Variants in ZNF343 observed in about 807,000 individuals in gnomAD.
ZNF343 encodes zinc finger protein 343.
ZNF343 carries 11 observed loss-of-function variants against 13.8 expected under a neutral mutation model. The observed-to-expected ratio is 0.80, with a 90% CI of 0.50 to 1.32. ZNF343 has a LOEUF of 1.32. Among genes scored for constraint, ZNF343 ranks in the 40% most tolerant of loss-of-function variants. The probability of loss-of-function intolerance (pLI) is 0.00; values close to 1 mark genes in which losing one functional copy is unlikely to be tolerated. For missense variants in ZNF343, 658 were observed against 714.2 expected (o/e 0.92, Z 0.90); for synonymous variants, 248 against 260.0 (o/e 0.95, Z 0.44).
At chr20:2,487,432 T>C (rs2085298439) in intron 5 of ZNF343, among the ~76,000 whole-genome samples, 1 of 152,210 alleles carries the variant, frequency 6.6e-6, no homozygotes, top group African/African-American at 2.4e-5. Context: ...GATATGCATA[T>C]GCTCATAATT....
chr20:2,512,037 C>T (rs777375667), upstream of ZNF343, among the ~76,000 whole-genome samples: 15 of 152,000 alleles, frequency 9.9e-5, no homozygotes, highest in Admixed American at 6.5e-5. Context: ...AACTAACAAA[C>T]GATTTGAAAA....
chr20:2,521,816 C>G (rs1482684492), intron 1 of ZNF343, among the ~76,000 whole-genome samples: 1 of 152,208 alleles, frequency 6.6e-6, no homozygotes, highest in African/African-American at 2.4e-5. Context: ...GAGGGAAAAG[C>G]TGGGACATAG....
intron 2 of ZNF343, among the ~76,000 whole-genome samples, chr20:2,497,935 C>T: frequency 6.6e-6 from 1 of 152,066 alleles, no homozygotes; most frequent in South Asian, 2.1e-4. Flanking sequence ...CAGGGCTGCT[C>T]AAATGCTCAC....
intron 1 of ZNF343, among the ~76,000 whole-genome samples, chr20:2,517,075 C>T (rs2085762391): frequency 6.6e-6 from 1 of 152,156 alleles, no homozygotes; most frequent in Non-Finnish European, 1.5e-5. Flanking sequence ...AAGCAGAATA[C>T]TTGAAAACAG....
intron 5 of ZNF343, 42 bp downstream of exon 5, chr20:2,492,657 C>T (rs2122605260): frequency 1.3e-6 from 2 of 1,591,300 alleles, no homozygotes; most frequent in Non-Finnish European, 1.7e-6. Context: ...ATCAGTAAAT[C>T]TCTACTGAAT....
Position 2,484,011 on chromosome 20 carries a change from C to A in ZNF343, c.950G>T (p.Arg317Ile). ...ATAAGGCTTCTCTTCTGAATGTGTT[C>A]TCTGGTGTCTGCTGAGGTTGGACTT... Reference protein sequence around the residue: ...SQKSNLSRHQRTHSEEKPYLC... With the variant: ...SQKSNLSRHQITHSEEKPYLC... Residue 317 changes from arginine (R) to isoleucine (I), a missense_variant, in exon 6 of 6, where the codon AGA (arginine) becomes ATA (isoleucine). Transcript: ENST00000278772. 5 of 1,614,108 alleles carry A rather than the reference C, an allele frequency of 3.1e-6. No homozygotes were observed. In the East Asian group the frequency reaches 8.9e-5, roughly 29 times the overall value.
Position 2,484,416 on chromosome 20 carries a change from G to T in ZNF343, c.545C>A (p.Ala182Glu), listed in dbSNP as rs747654752. 2.5e-6 allele frequency: 4 copies of T among 1,614,044 alleles called. No individual in the cohort carries two copies. The Admixed American group carries it at 6.7e-5, about 27-fold the overall frequency. The change falls in exon 6 of 6, where the codon GCA (alanine) becomes GAA (glutamate). Residue 182 changes from alanine (A) to glutamate (E), a missense_variant. Transcript: ENST00000278772. ...ERGGGSKPWS[A>E]RTEERETSRA... The stretch of plus-strand genomic sequence containing the variant: ...TGAGGTTTCTCTCTCCTCTGTCCTT[G>T]CAGACCAGGGTTTGGAGCCACCTCC...
chr20:2,521,988 G>A (rs771721519), intron 1 of ZNF343, among the ~76,000 whole-genome samples: 62 of 152,276 alleles, frequency 4.1e-4, no homozygotes, highest in Admixed American at 1.3e-4. Flanking sequence ...AAGCATGTAA[G>A]GTTTGTTTAA....
upstream of ZNF343, among the ~76,000 whole-genome samples, chr20:2,511,630 T>G (rs1369030391): frequency 2.0e-5 from 3 of 152,238 alleles, no homozygotes. Context: ...TCCCTTCTGT[T>G]TAATTTTGCT....
In ZNF343 at chr20:2,502,890, A is replaced by G. The variant is rs140389273; in HGVS notation, c.-236-2148T>C. Among the ~76,000 whole-genome samples the G allele has an allele frequency of 2.9e-3, 440 of 152,356 alleles. 1 individual carries two copies. Among genetic ancestry groups the G allele is most frequent in the Non-Finnish European group, 4.9e-3 (334 of 68,038 alleles). On this transcript the variant is annotated intron_variant, in intron 1 of 5. Coordinates refer to ENST00000278772, the MANE Select transcript of ZNF343 (RefSeq NM_024325.6). ...ATTGTAAAGACCATTGAGGCTAGGA[A>G]GAAACTGCATCAACTAACGAGCAAA...
chr20:2,494,070 A>G (rs1050616328), intron 2 of ZNF343, 26 bp from the exon 3 acceptor site: 3 of 602,816 alleles, frequency 5.0e-6, no homozygotes, highest in Non-Finnish European at 8.8e-6. Flanking sequence ...GCAATTTGCT[A>G]TTGCTGGGGC....
rs777765404 is a variant in ZNF343, at chr20:2,483,313, C to T, written c.1648G>A (p.Val550Met). Residue 550 changes from valine (V) to methionine (M), a missense_variant, in exon 6 of 6, where the codon GTG (valine) becomes ATG (methionine). Val to Met is a conservative substitution (Grantham distance 21, BLOSUM62 1). Transcript: ENST00000278772. ...ERTHSGEKPY[V>M]CSECGRGFSR... ...AAGCCTCGGCCACACTCACTGCACA[C>T]GTAAGGCTTCTCTCCTGAGTGTGTC... 9.9e-6 allele frequency: 16 copies of T among 1,610,678 alleles called. No individual in the cohort carries two copies. The highest frequency in any genetic ancestry group is 2.2e-5 in the East Asian group (1 of 44,658).
upstream of ZNF343, chr20:2,524,630 G>C (rs1568494928): frequency 6.6e-6 from 1 of 152,538 alleles, no homozygotes; most frequent in African/African-American, 2.4e-5. Context: ...GATTCAGCGC[G>C]GGGGAGAGCT....
chr20:2,486,836 T>A (rs2085288885), intron 5 of ZNF343: 1 of 151,920 alleles, frequency 6.6e-6, no homozygotes, highest in Non-Finnish European at 1.5e-5. Flanking sequence ...AACACAAATA[T>A]ACAAAATATA....
At position 2,483,595 on chromosome 20, in the gene ZNF343, C is replaced by T. The variant is rs755245255; in HGVS notation, c.1366G>A (p.Glu456Lys). ...GGCTTCTCTCCAGAGTGCGTCCGCT[C>T]GTGTATGATGAGGGTTGACTTGTCA... ...FCDKSTLIIH[E>K]RTHSGEKPYV... The change falls in exon 6 of 6, where the codon GAG becomes AAG. Residue 456 changes from glutamate to lysine, a missense_variant. By Grantham distance (56) the Glu-to-Lys change is moderately conservative. Coordinates refer to ENST00000278772, the MANE Select transcript of ZNF343 (RefSeq NM_024325.6). 5 of 1,610,886 alleles carry T rather than the reference C, an allele frequency of 3.1e-6. No homozygotes were observed. Among genetic ancestry groups the T allele is most frequent in the African/African-American group, 1.4e-5 (1 of 73,896 alleles).
intron 5 of ZNF343, among the ~76,000 whole-genome samples, chr20:2,488,857 C>A (rs2085322324): frequency 6.6e-6 from 1 of 152,074 alleles, no homozygotes; most frequent in African/African-American, 2.4e-5. Context: ...CCAGCCTGGG[C>A]AACATGGCAA....
chr20:2,497,898 C>T (rs559103476), intron 2 of ZNF343, among the ~76,000 whole-genome samples: 1 of 149,794 alleles, frequency 6.7e-6, no homozygotes, highest in East Asian at 1.9e-4. Context: ...TATGGCTCCT[C>T]CATATGGCTC....
intron 1 of ZNF343, among the ~76,000 whole-genome samples, chr20:2,523,979 CAAAAAAAAA>C (rs56321237): frequency 9.6e-6 from 1 of 104,324 alleles, no homozygotes; most frequent in Non-Finnish European, 1.8e-5. Flanking sequence ...GACCCCGTCT[CAAAAAAAAA>C]AAAAAAAAAA....
chr20:2,510,305 CTCTT>C (rs2085730888), upstream of ZNF343, among the ~76,000 whole-genome samples: 2 of 152,180 alleles, frequency 1.3e-5, no homozygotes. Context: ...AAAGTAAGAT[CTCTT>C]TCTGTCTGGC....
Sources: allele counts gnomAD v4.1 joint callset (sites outside exome capture counted in the v4.1 genomes callset), GRCh38; gene constraint gnomAD v4.1.1; transcripts MANE v1.5; gene names NCBI Gene and HGNC (gene_info 2026-07-23, HGNC 2026-07-21).